The following DNAH10 variants were observed in gnomAD, a reference collection of about 807,000 sequenced individuals.
The protein encoded by DNAH10 is dynein axonemal heavy chain 10.
A neutral mutation model predicts 506.6 loss-of-function variants in DNAH10; 348 were observed. The observed-to-expected ratio is 0.69, with a 90% CI of 0.63 to 0.75. The LOEUF (loss-of-function observed/expected upper bound fraction) is 0.75. DNAH10 is among the 30% of genes least tolerant of loss of function. DNAH10 has a pLI of 0.00. For missense variants in DNAH10, 5,179 were observed against 5,787.1 expected (o/e 0.89, Z 3.41); for synonymous variants, 2,059 against 2,198.6 (o/e 0.94, Z 1.78).
chr12:123,896,148 C>CACACATAGAGAGAG, intron 54 of DNAH10, among the ~76,000 whole-genome samples: 1 of 95,272 alleles, frequency 1.0e-5, no homozygotes, highest in Non-Finnish European at 1.9e-5. Context: ...CACACACACA[C>CACACATAGAGAGAG]AGAGAGAGAG....
chr12:123,871,384 C>T, intron 44 of DNAH10, 73 bp from the exon 45 acceptor site: 1 of 1,522,430 alleles, frequency 6.6e-7, no homozygotes, highest in South Asian at 1.2e-5. Flanking sequence ...GGTTCTAGGA[C>T]AACTCCATGT....
chr12:123,828,500 G>A (rs1296423662), intron 25 of DNAH10, among the ~76,000 whole-genome samples: 1 of 152,122 alleles, frequency 6.6e-6, no homozygotes, highest in African/African-American at 2.4e-5. Flanking sequence ...GGGAGGGAGA[G>A]TTGTGTGTCT....
rs915288338 is a variant in DNAH10, at chr12:123,934,736, C to T, written c.13593C>T (p.Ile4531=). ...LVVDLPILKI[I]PIEAHRLKLQ... ...TGGACCTGCCGATCCTGAAGATCAT[C>T]CCCATTGAAGCCCATCGCCTCAAGC... Residue 4531 remains isoleucine (I), a synonymous_variant, in exon 78 of 79, where the codon ATC becomes ATT. Transcript: ENST00000673944. The T allele has an allele frequency of 1.2e-6, 2 of 1,613,926 alleles. No homozygotes were observed. Among genetic ancestry groups the T allele is most frequent in the Middle Eastern group, 1.7e-4 (1 of 5,996 alleles).
chr12:123,873,586 G>T lies in DNAH10; in HGVS notation c.7814G>T (p.Arg2605Leu). ...NIVLMVNFSS[R>L]TTSMDIQRNL... Reference sequence around the variant, plus strand: ...GTGTTAATGGTCAACTTCTCCTCCCGCACCACGTCCATGGATATCCAAAGA... The same window carrying T: ...GTGTTAATGGTCAACTTCTCCTCCCTCACCACGTCCATGGATATCCAAAGA... Residue 2605 changes from arginine to leucine, a missense_variant, in exon 46 of 79, where the codon CGC (arginine) becomes CTC (leucine). Coordinates refer to ENST00000673944, the MANE Select transcript of DNAH10 (RefSeq NM_001372106.1). The T allele has an allele frequency of 6.2e-7, 1 of 1,612,898 alleles. No individual in the cohort carries two copies. The highest frequency in any genetic ancestry group is 8.5e-7 in the Non-Finnish European group (1 of 1,179,508).
rs1951857829 is a variant in DNAH10 at position 123,867,509 on chromosome 12, C to T, written c.7210C>T (p.Pro2404Ser). 1 of 1,613,820 alleles carries T rather than the reference C, an allele frequency of 6.2e-7. No individual in the cohort carries two copies. Among genetic ancestry groups the T allele is most frequent in the African/African-American group, 1.3e-5 (1 of 75,008 alleles). The stretch of plus-strand genomic sequence containing the variant: ...GAATAGTCTCTTTGAGAAGTATGTG[C>T]CCTATCTCATGGATGTGATAGTGGA... ...NLNSLFEKYV[P>S]YLMDVIVEGI... Residue 2404 changes from proline to serine, a missense_variant, in exon 42 of 79, where the codon CCC (proline) becomes TCC (serine). Transcript: ENST00000673944.
In DNAH10 at chr12:123,909,611, C is replaced by A. The variant is rs1016554070; in HGVS notation, c.9997+169C>A. ...GATGGTCACCAGAGGAAAACAGCAG[C>A]CCCATGACGTGACCCAGGGAGAGTG... is the stretch of plus-strand genomic sequence containing the variant. On this transcript the variant is annotated intron_variant, in intron 58 of 78. Transcript: ENST00000673944. The surrounding 1 kb of genome is among the most constrained non-coding windows in gnomAD (Gnocchi z 5.4). 1.3e-5 allele frequency among the ~76,000 whole-genome samples: 2 copies of A among 152,334 alleles called. No individual in the cohort carries two copies. Among genetic ancestry groups the A allele is most frequent in the East Asian group, 3.9e-4 (2 of 5,184 alleles).
Position 123,861,078 on chromosome 12 carries a change from C to T in DNAH10, c.6816C>T (p.Gly2272=). 1 of 1,613,958 alleles carries T rather than the reference C, an allele frequency of 6.2e-7. No homozygotes were observed. Among genetic ancestry groups the T allele is most frequent in the Non-Finnish European group, 8.5e-7 (1 of 1,179,894 alleles). The part of the protein sequence containing the change: ...PKAVSVIELY[G]ILDPTTRDWT... The stretch of plus-strand genomic sequence containing the variant: ...CCGTGAGTGTCATAGAACTCTACGG[C>T]ATCCTGGACCCAACCACCCGAGACT... The change falls in exon 39 of 79, where the codon GGC becomes GGT. Residue 2272 remains glycine, a synonymous_variant. Transcript: ENST00000673944.
At chr12:123,844,500 G>A (rs77251237) in intron 30 of DNAH10, among the ~76,000 whole-genome samples, 3 of 152,118 alleles carry the variant, frequency 2.0e-5, no homozygotes, top group Non-Finnish European at 4.4e-5. Context: ...GAAACCCCAC[G>A]ACTCAGCAGG....
At chr12:123,811,075 C>G (rs1036541402) in intron 19 of DNAH10, among the ~76,000 whole-genome samples, 2 of 152,284 alleles carry the variant, frequency 1.3e-5, no homozygotes, top group African/African-American at 4.8e-5. Flanking sequence ...AATGAACATG[C>G]ATGGCTAGGC....
chr12:123,882,332 A>G (rs1400974543), intron 51 of DNAH10: 1 of 152,472 alleles, frequency 6.6e-6, no homozygotes, highest in African/African-American at 2.4e-5. Context: ...ATATCTGCAC[A>G]GCCTGCACAC....
chr12:123,910,509 T>TA, intron 58 of DNAH10, 27 bp from the exon 59 acceptor site: 1 of 1,602,544 alleles, frequency 6.2e-7, no homozygotes, highest in East Asian at 2.2e-5. Context: ...TTGCCACTCA[T>TA]AAAAATTATT....
At chr12:123,852,541 G>A (rs1263256949) in intron 35 of DNAH10, among the ~76,000 whole-genome samples, 1 of 151,818 alleles carries the variant, frequency 6.6e-6, no homozygotes, top group Non-Finnish European at 1.5e-5. Context: ...TGCCATAGAT[G>A]AGGTGGCTGA....
chr12:123,853,090 A>G lies in DNAH10; in HGVS notation c.6292-116A>G. 1.8e-6 allele frequency: 2 copies of G among 1,126,994 alleles called. No individual in the cohort carries two copies. Among genetic ancestry groups the G allele is most frequent in the Non-Finnish European group, 2.4e-6 (2 of 840,298 alleles). 69.8% of individuals were successfully genotyped at this position (1,126,994 alleles called of 1,614,324 possible). A position where few individuals can be genotyped will look rare whatever the true frequency, so the allele number is the denominator to read the frequency against. The stretch of plus-strand genomic sequence containing the variant: ...AGAGATGGAATTTGCTTATTTGTAG[A>G]GCAGCTGCACTGGAACACCTGCCCC... On this transcript the variant is annotated intron_variant, in intron 35 of 78. Coordinates refer to ENST00000673944, the MANE Select transcript of DNAH10 (RefSeq NM_001372106.1). This position sits in a 1 kb window ranked among gnomAD's most constrained non-coding sequence, Gnocchi z 4.7.
chr12:123,795,443 AT>A (rs1303780297), intron 12 of DNAH10, among the ~76,000 whole-genome samples: 1 of 152,076 alleles, frequency 6.6e-6, no homozygotes, highest in Non-Finnish European at 1.5e-5. Context: ...TCTAGGGATG[AT>A]TCAGTGCTTT....
intron 21 of DNAH10, among the ~76,000 whole-genome samples, chr12:123,816,219 G>A (rs1343490336): frequency 6.6e-6 from 1 of 152,204 alleles, no homozygotes; most frequent in Admixed American, 6.5e-5. Flanking sequence ...GTATGCAAGT[G>A]AAATGACTGG....
At chr12:123,814,609 ATTTTTTTT>A (rs1214217837) in intron 21 of DNAH10, among the ~76,000 whole-genome samples, 2 of 121,216 alleles carry the variant, frequency 1.6e-5, no homozygotes, top group African/African-American at 6.7e-5. Flanking sequence ...GGCCAGGTAG[ATTTTTTTT>A]TTTTTTTTTT....
chr12:123,822,920 C>A (rs762706753), intron 24 of DNAH10, among the ~76,000 whole-genome samples: 4 of 152,178 alleles, frequency 2.6e-5, no homozygotes, highest in African/African-American at 4.8e-5. Flanking sequence ...TTACTCAGTC[C>A]CCCAATGCAA....
In DNAH10 at chr12:123,929,315, G is replaced by C. The variant is rs768450421; in HGVS notation, c.12347G>C (p.Arg4116Thr). ...EPPNGLKLNM[R>T]ATYFKISHEM... ...CCCAATGGGCTGAAACTCAACATGA[G>C]GGCAACTTACTTCAAGATCTCTCAC... Residue 4116 changes from arginine to threonine, a missense_variant, in exon 71 of 79, where the codon AGG (arginine) becomes ACG (threonine). By Grantham distance (71) the Arg-to-Thr change is moderately conservative. Around this residue, in one of 3 missense-constraint regions of DNAH10, gnomAD observed 4,844 missense variants for 5,430.5 expected, o/e 0.89. Coordinates refer to ENST00000673944, the MANE Select transcript of DNAH10 (RefSeq NM_001372106.1). 3 of 1,605,154 alleles carry C rather than the reference G, an allele frequency of 1.9e-6. No individual in the cohort carries two copies. The highest frequency in any genetic ancestry group is 4.5e-5 in the East Asian group (2 of 44,590).
In DNAH10 at chr12:123,902,515, C is replaced by G. The variant is rs1385498095; in HGVS notation, c.9641-424C>G. 6.6e-6 allele frequency among the ~76,000 whole-genome samples: 1 copy of G among 152,130 alleles called. No homozygotes were observed. Among genetic ancestry groups the G allele is most frequent in the Non-Finnish European group, 1.5e-5 (1 of 68,026 alleles). On this transcript the variant is annotated intron_variant, in intron 56 of 78. Coordinates refer to ENST00000673944, the MANE Select transcript of DNAH10 (RefSeq NM_001372106.1). The surrounding 1 kb of genome is among the most constrained non-coding windows in gnomAD (Gnocchi z 4.5). ...AGAGAGAGGACGACAGAGGGGCAGG[C>G]TCCTTAGAGGGTGGCTCTGGCTGGG...
Sources: allele counts gnomAD v4.1 joint callset (sites outside exome capture counted in the v4.1 genomes callset), GRCh38; gene constraint gnomAD v4.1.1; regional missense constraint gnomAD v4.1.1; non-coding constraint Gnocchi (gnomAD v3.1); transcripts MANE v1.5; gene names NCBI Gene and HGNC (gene_info 2026-07-23, HGNC 2026-07-21).